TRDN: variants seen among roughly 807,000 people sequenced by gnomAD.
TRDN encodes triadin in skeletal muscle.
In TRDN, 161 loss-of-function variants were observed where a neutral mutation model predicts 149.7. The observed-to-expected ratio is 1.08, with a 90% CI of 0.95 to 1.23. The LOEUF (loss-of-function observed/expected upper bound fraction) is 1.23. Ranked by LOEUF, TRDN falls within the 50% of genes most tolerant of loss-of-function variation. The pLI, the probability that TRDN is intolerant of heterozygous loss-of-function variation, is 0.00. For synonymous variants in TRDN, 294 were observed against 250.5 expected (o/e 1.17, Z -1.64); for missense variants, 896 against 823.5 (o/e 1.09, Z -1.08).
At chr6:123,487,873 T>C (rs1762907720) in intron 9 of TRDN, among the ~76,000 whole-genome samples, 1 of 152,124 alleles carries the variant, frequency 6.6e-6, no homozygotes, top group Admixed American at 6.6e-5. Flanking sequence ...ATCCACTCCA[T>C]CTTTTTTGAC....
chr6:123,558,562 GC>G (rs1435622278), intron 2 of TRDN, among the ~76,000 whole-genome samples: 1 of 152,066 alleles, frequency 6.6e-6, no homozygotes, highest in Non-Finnish European at 1.5e-5. Flanking sequence ...CCAGTTCATG[GC>G]TTGTTTGGCA....
At chr6:123,417,704 C>G (rs1773713111) in intron 12 of TRDN, among the ~76,000 whole-genome samples, 1 of 152,190 alleles carries the variant, frequency 6.6e-6, no homozygotes, top group African/African-American at 2.4e-5. Context: ...TGCAAAAAGA[C>G]AGCTGGCTAG....
intron 19 of TRDN, among the ~76,000 whole-genome samples, chr6:123,372,403 C>T (rs868705833): frequency 3.3e-5 from 5 of 151,818 alleles, no homozygotes; most frequent in Non-Finnish European, 7.4e-5. Flanking sequence ...AACATAACAC[C>T]CAATCTGTGC....
intron 10 of TRDN, 92 bp from the exon 11 acceptor site, chr6:123,439,095 T>A: frequency 1.1e-6 from 1 of 932,110 alleles, no homozygotes; most frequent in African/African-American, 1.7e-5. Context: ...AAGTCAGTTC[T>A]GCCTCCAGCT....
At chr6:123,540,757 A>T (rs1048431286) in intron 4 of TRDN, among the ~76,000 whole-genome samples, 2 of 152,102 alleles carry the variant, frequency 1.3e-5, no homozygotes, top group African/African-American at 4.8e-5. Context: ...TGACCTCGTG[A>T]TCTGCCCGCC....
chr6:123,472,233 G>A (rs548302251), intron 9 of TRDN, among the ~76,000 whole-genome samples: 76 of 152,310 alleles, frequency 5.0e-4, no homozygotes, highest in Non-Finnish European at 8.8e-4. Context: ...CGCACCGTGC[G>A]CAAGCCAAAG....
At chr6:123,224,495 C>T (rs9388192) in intron 38 of TRDN, among the ~76,000 whole-genome samples, 38,342 of 151,568 alleles carry the variant, frequency 0.25, 5,714 homozygotes, top group Non-Finnish European at 0.34. Flanking sequence ...AATGGTTTCA[C>T]GCATACAGCC....
chr6:123,460,282 A>G (rs1776373206), intron 10 of TRDN, among the ~76,000 whole-genome samples: 1 of 152,172 alleles, frequency 6.6e-6, no homozygotes, highest in South Asian at 2.1e-4. Flanking sequence ...TCACCTTACT[A>G]GCTTCTGTGG....
chr6:123,403,807 C>CA (rs1011976017), intron 12 of TRDN, among the ~76,000 whole-genome samples: 8 of 151,130 alleles, frequency 5.3e-5, no homozygotes, highest in African/African-American at 1.9e-4. Context: ...TTTTGCGAAT[C>CA]AAAATCAGAA....
intron 33 of TRDN, among the ~76,000 whole-genome samples, chr6:123,264,281 A>G (rs983479750): frequency 6.6e-6 from 1 of 152,082 alleles, no homozygotes; most frequent in African/African-American, 2.4e-5. Context: ...AAATGTCAGT[A>G]TCAACAGGAG....
chr6:123,278,389 G>T, intron 25 of TRDN, 42 bp from the exon 26 acceptor site: 1 of 1,140,810 alleles, frequency 8.8e-7, no homozygotes, highest in South Asian at 1.6e-5. Context: ...ATTATAGAAA[G>T]ATATTCATTT....
intron 10 of TRDN, chr6:123,440,971 G>A (rs1442827503): frequency 6.6e-6 from 1 of 151,708 alleles, no homozygotes; most frequent in Non-Finnish European, 1.5e-5. Flanking sequence ...TGAGAGTCAT[G>A]AATAAGAGCA....
At chr6:123,569,763 T>G (rs1782468229) in intron 2 of TRDN, among the ~76,000 whole-genome samples, 1 of 152,020 alleles carries the variant, frequency 6.6e-6, no homozygotes, top group African/African-American at 2.4e-5. Flanking sequence ...TCATGAGAAC[T>G]CACTATTGTG....
chr6:123,279,179 G>A, intron 24 of TRDN, 97 bp from the exon 25 acceptor site: 1 of 1,027,308 alleles, frequency 9.7e-7, no homozygotes, highest in Non-Finnish European at 1.4e-6. Flanking sequence ...AAATAAAAAT[G>A]AAACAATGTA....
At chr6:123,298,863 T>C (rs1045245242) in intron 24 of TRDN, among the ~76,000 whole-genome samples, 5 of 152,048 alleles carry the variant, frequency 3.3e-5, no homozygotes, top group Admixed American at 2.6e-4. Flanking sequence ...AATTATATCA[T>C]GGTCATCTAG....
chr6:123,323,066 T>C (rs767447127), intron 23 of TRDN, among the ~76,000 whole-genome samples: 1 of 152,134 alleles, frequency 6.6e-6, no homozygotes, highest in Non-Finnish European at 1.5e-5. Context: ...GTTACGGATA[T>C]ATAACAAAAT....
intron 12 of TRDN, among the ~76,000 whole-genome samples, chr6:123,434,490 C>T (rs1336463345): frequency 6.6e-6 from 1 of 152,070 alleles, no homozygotes; most frequent in Admixed American, 6.6e-5. Context: ...AAAGCAGTCT[C>T]CTAACCTGTT....
chr6:123,503,785 T>C lies in TRDN; in HGVS notation c.727A>G (p.Thr243Ala), dbSNP rs376208769. The change falls in exon 8 of 41, where the codon ACA (threonine) becomes GCA (alanine). Residue 243 changes from threonine to alanine, a missense_variant. Physicochemically the swap from Thr to Ala is moderately conservative, Grantham distance 58 (BLOSUM62 0). Transcript: ENST00000334268. The stretch of plus-strand genomic sequence containing the variant: ...TCCTTTTCTTTGGGTTTTGATGGTG[T>C]TTTCTGTACTTCTTTTACTTTTGCA... Reference protein sequence around the residue: ...TAAKVKEVQKTPSKPKEKEDK... With the variant: ...TAAKVKEVQKAPSKPKEKEDK... 1.1e-4 allele frequency: 177 copies of C among 1,613,248 alleles called. No individual in the cohort carries two copies. Among genetic ancestry groups the C allele is most frequent in the Admixed American group, 2.5e-4 (15 of 59,920 alleles).
chr6:123,231,014 T>G (rs1775578759), intron 38 of TRDN, among the ~76,000 whole-genome samples: 1 of 151,994 alleles, frequency 6.6e-6, no homozygotes, highest in Admixed American at 6.6e-5. Flanking sequence ...ACAAGAGAAC[T>G]TTGAGCCCCA....
Sources: allele counts gnomAD v4.1 joint callset (sites outside exome capture counted in the v4.1 genomes callset), GRCh38; gene constraint gnomAD v4.1.1; transcripts MANE v1.5; gene names NCBI Gene and HGNC (gene_info 2026-07-23, HGNC 2026-07-21).